EP400: variants seen among roughly 807,000 people sequenced by gnomAD.
EP400 encodes the protein E1A-binding protein p400.
A neutral mutation model predicts 354.1 loss-of-function variants in EP400; 105 were observed. The observed-to-expected ratio is 0.30, with a 90% CI of 0.25 to 0.35. EP400 has a LOEUF of 0.35. Ranked by LOEUF, EP400 falls within the 10% of genes least tolerant of loss-of-function variation. The pLI is 1.00. For synonymous variants in EP400, 1,646 were observed against 1,716.9 expected (o/e 0.96, Z 1.02); for missense variants, 3,280 against 4,121.0 (o/e 0.80, Z 5.59).
chr12:131,950,214 G>A (rs1891413894), intron 1 of EP400, among the ~76,000 whole-genome samples, 178 bp downstream of exon 1: 1 of 151,986 alleles, frequency 6.6e-6, no homozygotes, highest in Non-Finnish European at 1.5e-5. Context: ...GCGGGCGACC[G>A]GGCTGAGGGC....
chr12:132,029,374 A>G lies in EP400; in HGVS notation c.5382-327A>G. The G allele has an allele frequency of 2.6e-6, 1 of 385,530 alleles. No individual in the cohort carries two copies. The highest frequency in any genetic ancestry group is 4.5e-5 in the South Asian group (1 of 22,450). 23.9% of individuals were successfully genotyped at this position (385,530 alleles called of 1,614,324 possible). On this transcript the variant is annotated intron_variant, in intron 27 of 52. Coordinates refer to ENST00000389561, the MANE Select transcript of EP400 (RefSeq NM_015409.5). This position sits in a 1 kb window ranked among gnomAD's most constrained non-coding sequence, Gnocchi z 4.7. ...ACGAGACAGTGCACCTTTGTCCCAAAGTTTCCAGCTGAAGACACACTAGAA... is the reference window on the plus strand; with the variant it reads ...ACGAGACAGTGCACCTTTGTCCCAAGGTTTCCAGCTGAAGACACACTAGAA...
Position 131,990,019 on chromosome 12 carries a change from G to A in EP400, c.2465G>A (p.Gly822Glu), listed in dbSNP as rs1378976765. 4 of 1,613,586 alleles carry A rather than the reference G, an allele frequency of 2.5e-6. No homozygotes were observed. In the African/African-American group the frequency reaches 5.3e-5, roughly 22 times the overall value. The change falls in exon 8 of 53, where the codon GGG (glycine) becomes GAG (glutamate). Residue 822 changes from glycine (G) to glutamate (E), a missense_variant. Gly to Glu is a moderately conservative substitution (Grantham distance 98). This residue lies in a region of EP400 where 800 missense variants were observed against 840.0 expected (regional missense o/e 0.95). Coordinates refer to ENST00000389561, the MANE Select transcript of EP400 (RefSeq NM_015409.5). This position sits in a 1 kb window ranked among gnomAD's most constrained non-coding sequence, Gnocchi z 4.2. ...GAGAAGCAGCTCCGTGAAGAAAGGG[G>A]GAAGAAGGAAGAGCAGAGCAGACTG... ...HEEKQLREERGKKEEQSRLRR... is the reference protein window; with the variant it reads ...HEEKQLREEREKKEEQSRLRR...
In EP400 at chr12:131,989,953, T is replaced by G. The variant is rs1403313867; in HGVS notation, c.2410-11T>G. ...AGTACAACATACAATTCTTGCACTT[T>G]TATTCACCAGCTCGTTAGAACTGTG... On this transcript the variant is annotated splice_polypyrimidine_tract_variant and intron_variant, in intron 7 of 52. Transcript: ENST00000389561. 6.2e-7 allele frequency: 1 copy of G among 1,613,142 alleles called. No homozygotes were observed.
chr12:132,005,243 A>G (rs1243721408), intron 13 of EP400, 59 bp downstream of exon 13: 14 of 1,253,002 alleles, frequency 1.1e-5, no homozygotes, highest in Non-Finnish European at 1.5e-5. Context: ...AGTACTTACA[A>G]AGACTTAAAA....
At position 131,987,743 on chromosome 12, in the gene EP400, A is replaced by G. The variant is rs930048176; in HGVS notation, c.2262A>G (p.Lys754=). 5 of 1,611,086 alleles carry G rather than the reference A, an allele frequency of 3.1e-6. No individual in the cohort carries two copies. Among genetic ancestry groups the G allele is most frequent in the Non-Finnish European group, 3.4e-6 (4 of 1,179,394 alleles). Residue 754 remains lysine (K), a synonymous_variant, in exon 7 of 53, where the codon AAA becomes AAG. Transcript: ENST00000389561. The stretch of plus-strand genomic sequence containing the variant: ...ATCAGCGCATTGCGGAGCTGAGGAA[A>G]GCAGGTCTGTGGTCCCAGAGGCGTC... The part of the protein sequence containing the change: ...QVHQRIAELR[K]AGLWSQRRLP...
At position 132,053,511 on chromosome 12, in the gene EP400, C is replaced by G. The variant is rs1261100159; in HGVS notation, c.7642C>G (p.Pro2548Ala). Residue 2548 changes from proline (P) to alanine (A), a missense_variant, in exon 43 of 53, where the codon CCA becomes GCA. Transcript: ENST00000389561. ...ACCAGCTGTCCAGCCCCAACCCCAG[C>G]CACAGCCCCAGACCCAGCCACAGCC... is the stretch of plus-strand genomic sequence containing the variant. ...GPPAVQPQPQ[P>A]QPQTQPQPVQ... The G allele has an allele frequency of 6.5e-7, 1 of 1,541,288 alleles. No individual in the cohort carries two copies. Among genetic ancestry groups the G allele is most frequent in the Admixed American group, 1.9e-5 (1 of 51,796 alleles).
intron 22 of EP400, among the ~76,000 whole-genome samples, chr12:132,020,534 A>C (rs1894091075): frequency 6.6e-6 from 1 of 152,214 alleles, no homozygotes; most frequent in Admixed American, 6.5e-5. Context: ...ACTCCTGAGA[A>C]CGTCTGCTCA....
intron 19 of EP400, among the ~76,000 whole-genome samples, chr12:132,016,379 T>C (rs1893934777): frequency 6.6e-6 from 1 of 152,056 alleles, no homozygotes; most frequent in African/African-American, 2.4e-5. Flanking sequence ...TTTTTTTCCT[T>C]TTTCTTGAGA....
At chr12:132,074,910 G>A (rs996558108) in intron 51 of EP400, among the ~76,000 whole-genome samples, 1 of 152,162 alleles carries the variant, frequency 6.6e-6, no homozygotes, top group Non-Finnish European at 1.5e-5. Flanking sequence ...TGTCTGAAAT[G>A]TGCTGCATCT....
chr12:131,982,063 A>G (rs1056240878), intron 4 of EP400, 30 bp from the exon 5 acceptor site: 8 of 1,500,856 alleles, frequency 5.3e-6, no homozygotes, highest in Non-Finnish European at 7.1e-6. Context: ...CTTGGGAATC[A>G]GTGCTTTTGG....
In EP400 at chr12:131,987,715, T is replaced by C; in HGVS notation, c.2234T>C (p.Val745Ala). ...ATGTATCATCTACAGGAGAACCAGG[T>C]GCATCAGCGCATTGCGGAGCTGAGG... is the stretch of plus-strand genomic sequence containing the variant. The part of the protein sequence containing the change: ...LTEQITLENQ[V>A]HQRIAELRKA... The change falls in exon 7 of 53, where the codon GTG becomes GCG. Residue 745 changes from valine (V) to alanine (A), a missense_variant. Around this residue, in one of 20 missense-constraint regions of EP400, gnomAD observed 800 missense variants for 840.0 expected, o/e 0.95. Coordinates refer to ENST00000389561, the MANE Select transcript of EP400 (RefSeq NM_015409.5). The C allele has an allele frequency of 1.2e-6, 2 of 1,604,588 alleles. No individual in the cohort carries two copies. Among genetic ancestry groups the C allele is most frequent in the South Asian group, 2.2e-5 (2 of 89,210 alleles).
intron 51 of EP400, among the ~76,000 whole-genome samples, chr12:132,071,214 C>T (rs888412747): frequency 2.6e-5 from 4 of 151,514 alleles, no homozygotes; most frequent in Non-Finnish European, 5.9e-5. Context: ...TGTTTAAAGC[C>T]CATGTGTATG....
intron 6 of EP400, among the ~76,000 whole-genome samples, chr12:131,987,481 T>G (rs1892890708): frequency 6.6e-6 from 1 of 152,244 alleles, no homozygotes; most frequent in Non-Finnish European, 1.5e-5. Context: ...CAGCTTCTTC[T>G]AAGGCTCCTG....
chr12:132,042,446 G>T (rs970795371), intron 32 of EP400, among the ~76,000 whole-genome samples: 5 of 152,176 alleles, frequency 3.3e-5, no homozygotes, highest in African/African-American at 4.8e-5. Flanking sequence ...TGCTTTTTGT[G>T]CTCTGCTGAG....
intron 23 of EP400, 120 bp downstream of exon 23, chr12:132,021,441 G>A: frequency 7.4e-7 from 1 of 1,348,582 alleles, no homozygotes; most frequent in East Asian, 2.7e-5. Flanking sequence ...CCAGCCCCAT[G>A]CCCGGTGCTG....
chr12:132,017,839 C>T lies in EP400; in HGVS notation c.4110+118C>T. ...AGCTCTTCTGCAATTGCAATTGCAG[C>T]TCCGCGATACATGGCACCGTCTAGC... is the stretch of plus-strand genomic sequence containing the variant. On this transcript the variant is annotated intron_variant, in intron 20 of 52. Transcript: ENST00000389561. This position sits in a 1 kb window ranked among gnomAD's most constrained non-coding sequence, Gnocchi z 5.0. 9.1e-7 allele frequency: 1 copy of T among 1,098,224 alleles called. No individual in the cohort carries two copies. The highest frequency in any genetic ancestry group is 1.7e-5 in the South Asian group (1 of 57,934). 68.0% of individuals were successfully genotyped at this position (1,098,224 alleles called of 1,614,324 possible).
intron 2 of EP400, among the ~76,000 whole-genome samples, chr12:131,971,637 C>T (rs1362009927): frequency 6.6e-6 from 1 of 151,864 alleles, no homozygotes; most frequent in African/African-American, 2.4e-5. Flanking sequence ...GTTTAACAGA[C>T]ATTTTGGGTA....
chr12:131,966,139 C>T (rs1313936665), intron 2 of EP400, among the ~76,000 whole-genome samples: 1 of 152,100 alleles, frequency 6.6e-6, no homozygotes, highest in Admixed American at 6.6e-5. Context: ...CCTGTAATCC[C>T]AGCACTTTGG....
rs964801788 is a variant in EP400, at chr12:132,023,905, C to T, written c.4819C>T (p.Arg1607Trp). Residue 1607 changes from arginine to tryptophan, a missense_variant, in exon 24 of 53, where the codon CGG (arginine) becomes TGG (tryptophan). This residue lies in a region of EP400 where 25 missense variants were observed against 51.2 expected (regional missense o/e 0.49). Coordinates refer to ENST00000389561, the MANE Select transcript of EP400 (RefSeq NM_015409.5). ...GTTCACCCTGTCACACAGCCAGCTC[C>T]GGCAGCTCACAGCGGGCCAGCCGCT... ...SKFTLSHSQL[R>W]QLTAGQPLQL... The T allele has an allele frequency of 1.2e-6, 2 of 1,611,100 alleles. No individual in the cohort carries two copies. Among genetic ancestry groups the T allele is most frequent in the Non-Finnish European group, 1.7e-6 (2 of 1,179,016 alleles).
Sources: allele counts gnomAD v4.1 joint callset (sites outside exome capture counted in the v4.1 genomes callset), GRCh38; gene constraint gnomAD v4.1.1; regional missense constraint gnomAD v4.1.1; non-coding constraint Gnocchi (gnomAD v3.1); transcripts MANE v1.5; gene names NCBI Gene and HGNC (gene_info 2026-07-23, HGNC 2026-07-21).